The following PTPRD variants were observed in gnomAD, a reference collection of about 807,000 sequenced individuals.
PTPRD encodes the protein protein tyrosine phosphatase receptor type D.
A neutral mutation model predicts 214.5 loss-of-function variants in PTPRD; 34 were observed. That is an observed-to-expected ratio of 0.16 (90% CI 0.12 to 0.21). PTPRD has a LOEUF of 0.21. Ranked by LOEUF, PTPRD falls within the 10% of genes least tolerant of loss-of-function variation. The pLI, the probability that PTPRD is intolerant of heterozygous loss-of-function variation, is 1.00. For synonymous variants in PTPRD, 1,128 were observed against 845.7 expected (o/e 1.33, Z -5.79); for missense variants, 2,545 against 2,398.7 (o/e 1.06, Z -1.27).
In PTPRD at chr9:10,134,719, C is replaced by A. The variant is rs531397983; in HGVS notation, c.-544-100929G>T. The stretch of plus-strand genomic sequence containing the variant: ...ATAAAAATTATATTAAAAAAAAGCC[C>A]CATCTAAACAAAAGCAACTGCGAAA... On this transcript the variant is annotated intron_variant, in intron 3 of 45. Transcript: ENST00000381196. 1.8e-4 allele frequency among the ~76,000 whole-genome samples: 27 copies of A among 152,150 alleles called. 1 individual carries two copies. In the South Asian group the frequency reaches 5.6e-3, roughly 32 times the overall value.
At chr9:8,448,894 G>T (rs2133394469) in intron 34 of PTPRD, among the ~76,000 whole-genome samples, 1 of 152,246 alleles carries the variant, frequency 6.6e-6, no homozygotes, top group East Asian at 1.9e-4. Context: ...TAATCCCAAA[G>T]ACTTCTTAGA....
chr9:8,800,402 G>C (rs1296833537), intron 11 of PTPRD, among the ~76,000 whole-genome samples: 3 of 152,132 alleles, frequency 2.0e-5, no homozygotes, highest in Non-Finnish European at 2.9e-5. Context: ...GTCACGGGAT[G>C]AGATAGGAGG....
intron 3 of PTPRD, among the ~76,000 whole-genome samples, chr9:10,184,510 G>C (rs1031627693): frequency 7.2e-5 from 11 of 152,106 alleles, no homozygotes; most frequent in Non-Finnish European, 1.2e-4. Context: ...AGGGTACATG[G>C]ATCTGTGAAT....
chr9:9,614,323 A>C (rs557094418), intron 7 of PTPRD, among the ~76,000 whole-genome samples: 124 of 152,158 alleles, frequency 8.1e-4, no homozygotes, highest in Admixed American at 3.3e-3. Context: ...TCATATTTGC[A>C]AAGATTCTTA....
chr9:8,736,091 G>T (rs992652875), intron 11 of PTPRD, among the ~76,000 whole-genome samples: 2 of 152,156 alleles, frequency 1.3e-5, no homozygotes, highest in African/African-American at 4.8e-5. Context: ...ACTGGATCAG[G>T]GATGATTTAG....
At chr9:8,941,814 G>A (rs1027002059) in intron 11 of PTPRD, among the ~76,000 whole-genome samples, 4 of 151,610 alleles carry the variant, frequency 2.6e-5, no homozygotes, top group Non-Finnish European at 5.9e-5. Flanking sequence ...TTGTTTGTTT[G>A]TTTGTTTTGA....
At chr9:8,553,816 C>A (rs530209806) in intron 14 of PTPRD, among the ~76,000 whole-genome samples, 1 of 152,196 alleles carries the variant, frequency 6.6e-6, no homozygotes, top group East Asian at 1.9e-4. Flanking sequence ...AAATTCTATC[C>A]TAACTTAAGG....
At chr9:9,343,162 T>C (rs1381857523) in intron 9 of PTPRD, among the ~76,000 whole-genome samples, 2 of 152,208 alleles carry the variant, frequency 1.3e-5, no homozygotes, top group Non-Finnish European at 2.9e-5. Flanking sequence ...TTCCAAGGCT[T>C]TGCTATTGTG....
At chr9:8,581,458 G>C (rs1478731519) in intron 14 of PTPRD, among the ~76,000 whole-genome samples, 7 of 151,992 alleles carry the variant, frequency 4.6e-5, no homozygotes, top group Non-Finnish European at 8.8e-5. Context: ...GAAAGAAAAG[G>C]GTGGCCGGGG....
At chr9:10,191,689 G>T (rs990895746) in intron 3 of PTPRD, among the ~76,000 whole-genome samples, 3 of 152,052 alleles carry the variant, frequency 2.0e-5, no homozygotes, top group African/African-American at 7.2e-5. Context: ...TGACCCTCTC[G>T]TTCCACTTCC....
At chr9:8,988,368 T>C (rs985123588) in intron 11 of PTPRD, among the ~76,000 whole-genome samples, 24 of 152,214 alleles carry the variant, frequency 1.6e-4, no homozygotes, top group African/African-American at 4.3e-4. Flanking sequence ...TTAACTCCCA[T>C]CAATTGTTGC....
chr9:10,033,099 G>C (rs1468040297), intron 4 of PTPRD, among the ~76,000 whole-genome samples: 4 of 150,896 alleles, frequency 2.7e-5, no homozygotes, highest in Admixed American at 2.0e-4. Flanking sequence ...GTGTGTATGA[G>C]TGTGTTTCTG....
At chr9:8,864,836 T>A (rs1307215293) in intron 11 of PTPRD, among the ~76,000 whole-genome samples, 1 of 152,204 alleles carries the variant, frequency 6.6e-6, no homozygotes, top group African/African-American at 2.4e-5. Context: ...ACAGTGAATA[T>A]AGCAAGGCAT....
intron 9 of PTPRD, among the ~76,000 whole-genome samples, chr9:9,376,937 A>C (rs1476288506): frequency 6.6e-6 from 1 of 152,102 alleles, no homozygotes; most frequent in East Asian, 1.9e-4. Flanking sequence ...TAGGAGACCA[A>C]ATCTCAGATC....
At chr9:8,772,783 T>C (rs62528810) in intron 11 of PTPRD, among the ~76,000 whole-genome samples, 16,042 of 152,264 alleles carry the variant, frequency 0.11, 961 homozygotes, top group Non-Finnish European at 0.13. Context: ...CTTCCTTCTA[T>C]ATCTGGTAAT....
At chr9:8,731,859 G>C (rs1223121226) in intron 12 of PTPRD, among the ~76,000 whole-genome samples, 8 of 152,222 alleles carry the variant, frequency 5.3e-5, no homozygotes, top group Non-Finnish European at 1.0e-4. Flanking sequence ...GATTAGACAA[G>C]GACAAAGCTA....
intron 3 of PTPRD, among the ~76,000 whole-genome samples, chr9:10,063,707 A>C (rs765009958): frequency 5.9e-5 from 9 of 152,158 alleles, no homozygotes; most frequent in Non-Finnish European, 1.2e-4. Context: ...ATATTCAGAT[A>C]TAGAATCTGA....
At chr9:9,060,437 CAGA>C (rs2154400763) in intron 10 of PTPRD, among the ~76,000 whole-genome samples, 1 of 151,770 alleles carries the variant, frequency 6.6e-6, no homozygotes, top group African/African-American at 2.4e-5. Flanking sequence ...AATCTTGGGA[CAGA>C]AGAAAAATTT....
At chr9:8,665,015 T>G (rs142266864) in intron 12 of PTPRD, among the ~76,000 whole-genome samples, 2 of 152,228 alleles carry the variant, frequency 1.3e-5, no homozygotes, top group Non-Finnish European at 2.9e-5. Context: ...AGCAGAACAC[T>G]AAAATCTATC....
Sources: allele counts gnomAD v4.1 joint callset (sites outside exome capture counted in the v4.1 genomes callset), GRCh38; gene constraint gnomAD v4.1.1; transcripts MANE v1.5; gene names NCBI Gene and HGNC (gene_info 2026-07-23, HGNC 2026-07-21).